The following NCAPG variants were observed in gnomAD, a reference collection of about 807,000 sequenced individuals.
The protein encoded by NCAPG is condensin complex subunit 3.
NCAPG carries 69 observed loss-of-function variants against 113.1 expected under a neutral mutation model. That is an observed-to-expected ratio of 0.61 (90% CI 0.50 to 0.75). The LOEUF (loss-of-function observed/expected upper bound fraction) is 0.75, where lower values mean the gene tolerates loss of function less well. NCAPG is among the 30% of genes least tolerant of loss of function. The pLI is 0.00. For missense variants in NCAPG, 1,058 were observed against 1,177.0 expected, an observed-to-expected ratio of 0.90 and a Z score of 1.48; for synonymous variants, 370 against 415.8, an observed-to-expected ratio of 0.89 and a Z score of 1.34.
In NCAPG at chr4:17,840,654, AC is replaced by A. The variant is rs746981416; in HGVS notation, c.2818del (p.Gln940LysfsTer8). ...YMTPLRGVKA[T>X]QASKSTQLKT... ...GACTCCACTCAGGGGTGTAAAAGCAACCCAAGCATCAAAGTCTACTCAGCTA... is the reference window on the plus strand; with the variant it reads ...GACTCCACTCAGGGGTGTAAAAGCAACCAAGCATCAAAGTCTACTCAGCTA... On this transcript the variant is annotated frameshift_variant, in exon 19 of 21. Transcript: ENST00000251496. LOFTEE classifies it high-confidence loss of function. 1 of 1,560,918 alleles carries A rather than the reference AC, an allele frequency of 6.4e-7. No individual in the cohort carries two copies. The highest frequency in any genetic ancestry group is 1.4e-5 in the African/African-American group (1 of 72,362).
At position 17,825,289 on chromosome 4, in the gene NCAPG, C is replaced by A. The variant is rs1189827643; in HGVS notation, c.1474-93C>A. 4 of 1,146,696 alleles carry A rather than the reference C, an allele frequency of 3.5e-6. No individual in the cohort carries two copies. In the East Asian group the frequency reaches 1.0e-4, roughly 29 times the overall value. The allele number at this position is 1,146,696 out of a possible 1,614,324, so 71.0% of individuals were successfully genotyped here. A position where few individuals can be genotyped will look rare whatever the true frequency, so the allele number is the denominator to read the frequency against. On this transcript the variant is annotated intron_variant, in intron 10 of 20. Transcript: ENST00000251496. ...TATGCCTGACTCATTAAATTCTGGG[C>A]AGTTGAGATATTAAATAATACTCCT...
chr4:17,836,388 G>A (rs1722092778), intron 14 of NCAPG, among the ~76,000 whole-genome samples: 1 of 152,058 alleles, frequency 6.6e-6, no homozygotes, highest in African/African-American at 2.4e-5. Context: ...TATTTTACAG[G>A]TTGTCTTTTT....
chr4:17,830,541 A>G (rs1163338095), intron 12 of NCAPG, among the ~76,000 whole-genome samples: 1 of 150,592 alleles, frequency 6.6e-6, no homozygotes, highest in Non-Finnish European at 1.5e-5. Flanking sequence ...AAATATATTA[A>G]GACTAGTTTC....
chr4:17,830,578 G>C (rs1721828920), intron 12 of NCAPG, among the ~76,000 whole-genome samples: 1 of 121,418 alleles, frequency 8.2e-6, no homozygotes, highest in African/African-American at 3.5e-5. Context: ...TTACTTCAAT[G>C]TGGTGGCTAC....
chr4:17,830,929 A>AG, intron 12 of NCAPG, 68 bp from the exon 13 acceptor site: 1 of 1,483,114 alleles, frequency 6.7e-7, no homozygotes, highest in Non-Finnish European at 9.2e-7. Flanking sequence ...GACACCTTTG[A>AG]GGTAATAGAC....
At chr4:17,837,823 A>G (rs867729970) in intron 16 of NCAPG, 22 bp downstream of exon 16, 1 of 1,612,446 alleles carries the variant, frequency 6.2e-7, no homozygotes, top group South Asian at 1.1e-5. Flanking sequence ...TGGTAACTGC[A>G]TGCAGATCAC....
At position 17,831,067 on chromosome 4, in the gene NCAPG, G is replaced by A. The variant is rs764663395; in HGVS notation, c.1835G>A (p.Gly612Glu). The change falls in exon 13 of 21, where the codon GGA (glycine) becomes GAA (glutamate). Residue 612 changes from glycine to glutamate, a missense_variant. Physicochemically the swap from Gly to Glu is moderately conservative, Grantham distance 98. Transcript: ENST00000251496. The part of the protein sequence containing the change: ...NLAVLCLGCC[G>E]LQNQDFARKH... ...GCTGTTTTATGCTTGGGATGCTGTG[G>A]ACTACAGAATCAGGATTTTGCAAGG... 1.9e-5 allele frequency: 31 copies of A among 1,613,626 alleles called. No homozygotes were observed. The highest frequency in any genetic ancestry group is 2.5e-5 in the Non-Finnish European group (29 of 1,179,810).
chr4:17,818,094 T>A lies in NCAPG; in HGVS notation c.1118+6T>A, dbSNP rs774535583. On this transcript the variant is annotated splice_donor_region_variant and intron_variant, in intron 7 of 20. Coordinates refer to ENST00000251496, the MANE Select transcript of NCAPG (RefSeq NM_022346.5). ...TATGCAGACTATTTATTGAGGTAAA[T>A]TTTTTTTCTTTTAGTTTGGAGAGTG... 4 of 1,588,534 alleles carry A rather than the reference T, an allele frequency of 2.5e-6. No individual in the cohort carries two copies. The Admixed American group carries it at 7.3e-5, about 29-fold the overall frequency.
chr4:17,836,721 C>A (rs1353406540), intron 14 of NCAPG, among the ~76,000 whole-genome samples: 3 of 152,150 alleles, frequency 2.0e-5, no homozygotes, highest in African/African-American at 7.2e-5. Context: ...TGCTTCAACA[C>A]CTTCTGTTCA....
At chr4:17,830,798 A>C (rs1721839301) in intron 12 of NCAPG, among the ~76,000 whole-genome samples, 199 bp from the exon 13 acceptor site, 1 of 152,168 alleles carries the variant, frequency 6.6e-6, no homozygotes, top group South Asian at 2.1e-4. Context: ...GAAACCATTG[A>C]GTCCCTTTTA....
rs909083288 is a variant in NCAPG at position 17,810,982 on chromosome 4, A to C, written c.-96A>C. 1.7e-5 allele frequency: 11 copies of C among 641,856 alleles called. No individual in the cohort carries two copies. The highest frequency in any genetic ancestry group is 2.6e-5 in the Non-Finnish European group (10 of 389,928). 39.8% of individuals were successfully genotyped at this position (641,856 alleles called of 1,614,324 possible). A position where few individuals can be genotyped will look rare whatever the true frequency, so the allele number is the denominator to read the frequency against. On this transcript the variant is annotated 5_prime_UTR_variant, in exon 1 of 21. Transcript: ENST00000251496. Reference sequence around the variant, plus strand: ...GCGGTAAATACTCCCTGGGGCTGTCATAGAAGACTACTCGGAGAGCGCTGC... The same window carrying C: ...GCGGTAAATACTCCCTGGGGCTGTCCTAGAAGACTACTCGGAGAGCGCTGC...
At chr4:17,835,665 G>A (rs899973258) in intron 14 of NCAPG, among the ~76,000 whole-genome samples, 5 of 152,106 alleles carry the variant, frequency 3.3e-5, no homozygotes, top group East Asian at 1.9e-4. Flanking sequence ...CAACCAATCC[G>A]CAGTCTGTTT....
rs529513537 is a variant in NCAPG at position 17,816,333 on chromosome 4, C to T, written c.776-928C>T. Among the ~76,000 whole-genome samples the T allele has an allele frequency of 1.7e-3, 262 of 152,206 alleles. 1 individual carries two copies. The highest frequency in any genetic ancestry group is 5.4e-3 in the African/African-American group (223 of 41,544). ...TAGGAAGAGCTCAGGTGGTAATGCT[C>T]GTTAGACCACGGCTTACCTCCTCCT... On this transcript the variant is annotated intron_variant, in intron 5 of 20. Coordinates refer to ENST00000251496, the MANE Select transcript of NCAPG (RefSeq NM_022346.5).
intron 11 of NCAPG, among the ~76,000 whole-genome samples, chr4:17,825,787 A>T (rs1721637158): frequency 6.6e-6 from 1 of 152,090 alleles, no homozygotes; most frequent in South Asian, 2.1e-4. Flanking sequence ...CTTCCTTGTC[A>T]TGCTAATCTC....
Position 17,822,930 on chromosome 4 carries a change from T to G in NCAPG, c.1119-53T>G, listed in dbSNP as rs1421385911. 8 of 1,454,662 alleles carry G rather than the reference T, an allele frequency of 5.5e-6. No homozygotes were observed. In the African/African-American group the frequency reaches 1.2e-4, roughly 21 times the overall value. 90.1% of individuals were successfully genotyped at this position (1,454,662 alleles called of 1,614,324 possible). A position where few individuals can be genotyped will look rare whatever the true frequency, so the allele number is the denominator to read the frequency against. The stretch of plus-strand genomic sequence containing the variant: ...TTCTGACCTAATGGTGGGAATCAAC[T>G]CTTGTTTGATGTTTCTTAAAAGATT... On this transcript the variant is annotated intron_variant, in intron 7 of 20. Coordinates refer to ENST00000251496, the MANE Select transcript of NCAPG (RefSeq NM_022346.5).
intron 20 of NCAPG, 122 bp downstream of exon 20, chr4:17,842,501 A>C: frequency 1.3e-6 from 1 of 774,592 alleles, no homozygotes; most frequent in Non-Finnish European, 2.2e-6. Context: ...AAAACTATAA[A>C]TAGCTGTCTT....
rs908486018 is a variant in NCAPG, at chr4:17,830,944, G to A, written c.1765-53G>A. On this transcript the variant is annotated intron_variant, in intron 12 of 20. Coordinates refer to ENST00000251496, the MANE Select transcript of NCAPG (RefSeq NM_022346.5). ...GACACCTTTGAGGTAATAGACAATA[G>A]GGAAATGAAGTAGATCTATGAAATC... The A allele has an allele frequency of 9.6e-6, 15 of 1,563,408 alleles. No individual in the cohort carries two copies. The Admixed American group carries it at 1.4e-4, about 15-fold the overall frequency.
Position 17,834,471 on chromosome 4 carries a change from C to T in NCAPG, c.2057C>T (p.Thr686Ile). Residue 686 changes from threonine to isoleucine, a missense_variant, in exon 14 of 21, where the codon ACT becomes ATT. By Grantham distance (89) the Thr-to-Ile change is moderately conservative. Transcript: ENST00000251496. ...DEQESKEVEETATAKNVLKLL... is the reference protein window; with the variant it reads ...DEQESKEVEEIATAKNVLKLL... Reference sequence around the variant, plus strand: ...CAAGAATCAAAAGAAGTTGAAGAGACTGCTACAGCTAAGAATGTTCTGAAA... The same window carrying T: ...CAAGAATCAAAAGAAGTTGAAGAGATTGCTACAGCTAAGAATGTTCTGAAA... 6.2e-7 allele frequency: 1 copy of T among 1,608,600 alleles called. No individual in the cohort carries two copies. The highest frequency in any genetic ancestry group is 8.5e-7 in the Non-Finnish European group (1 of 1,177,286).
intron 19 of NCAPG, chr4:17,841,872 CA>C (rs1338763220): frequency 6.4e-6 from 1 of 155,114 alleles, no homozygotes; most frequent in Non-Finnish European, 1.4e-5. Context: ...TATGTTTTAT[CA>C]CCTTCCAAGA....
Sources: gnomAD v4.1 joint callset for allele counts (sites outside exome capture counted in the v4.1 genomes callset) on GRCh38, gnomAD v4.1.1 for gene constraint, MANE v1.5 for transcripts, NCBI Gene and HGNC (gene_info 2026-07-23, HGNC 2026-07-21) for gene names.